COL24A1: variants seen among roughly 807,000 people sequenced by gnomAD.
COL24A1 encodes collagen type XXIV alpha 1 chain.
In COL24A1, 224 loss-of-function variants were observed where a neutral mutation model predicts 253.9. The ratio of observed to expected loss-of-function variants is 0.88; its 90% CI spans 0.79 to 0.99. The LOEUF is 0.99. Ranked by LOEUF, COL24A1 falls within the 50% of genes least tolerant of loss-of-function variation. COL24A1 has a pLI of 0.00. For synonymous variants in COL24A1, 685 were observed against 673.7 expected, an observed-to-expected ratio of 1.02 and a Z score of -0.26; for missense variants, 2,131 against 2,068.5, an observed-to-expected ratio of 1.03 and a Z score of -0.59.
intron 19 of COL24A1, among the ~76,000 whole-genome samples, chr1:85,991,953 C>T (rs1273511922): frequency 6.6e-6 from 1 of 150,528 alleles, no homozygotes; most frequent in Non-Finnish European, 1.5e-5. Flanking sequence ...AGTACATGTG[C>T]ACAATGTGCA....
chr1:85,805,899 C>A lies in COL24A1; in HGVS notation c.3951+10889G>T, dbSNP rs561409819. Among the ~76,000 whole-genome samples the A allele has an allele frequency of 3.9e-5, 6 of 152,036 alleles. No individual in the cohort carries two copies. The South Asian group carries it at 1.2e-3, about 32-fold the overall frequency. On this transcript the variant is annotated intron_variant, in intron 47 of 59. Transcript: ENST00000370571. ...GACCATCCTGGCGAACATAGTGAAACCCCGTCTCTATTAAAAATACAAAAA... is the reference window on the plus strand; with the variant it reads ...GACCATCCTGGCGAACATAGTGAAAACCCGTCTCTATTAAAAATACAAAAA...
At chr1:86,087,947 T>C (rs767685257) in intron 7 of COL24A1, among the ~76,000 whole-genome samples, 3 of 152,192 alleles carry the variant, frequency 2.0e-5, no homozygotes, top group African/African-American at 7.2e-5. Flanking sequence ...CAAGGTAAAA[T>C]ACTCTCATGA....
chr1:86,063,496 G>C (rs975993608), intron 8 of COL24A1, among the ~76,000 whole-genome samples: 1 of 151,766 alleles, frequency 6.6e-6, no homozygotes, highest in African/African-American at 2.4e-5. Flanking sequence ...GAAACATATG[G>C]GGCAAAAGTA....
chr1:85,881,972 C>T (rs1681899395), intron 32 of COL24A1, among the ~76,000 whole-genome samples: 1 of 152,018 alleles, frequency 6.6e-6, no homozygotes, highest in African/African-American at 2.4e-5. Context: ...TTATTCAGTG[C>T]TATAAATTTC....
chr1:85,993,414 A>C (rs976478607), intron 19 of COL24A1, among the ~76,000 whole-genome samples: 1 of 149,688 alleles, frequency 6.7e-6, no homozygotes, highest in Admixed American at 6.7e-5. Flanking sequence ...CGAATCTCAA[A>C]TGTCTTATGC....
chr1:85,741,138 G>T (rs1382194380), intron 57 of COL24A1, among the ~76,000 whole-genome samples: 1 of 149,354 alleles, frequency 6.7e-6, no homozygotes, highest in African/African-American at 2.4e-5. Flanking sequence ...AAAAAGAAAA[G>T]AAAAGAAAAG....
chr1:85,768,577 T>C (rs1029684174), intron 53 of COL24A1, among the ~76,000 whole-genome samples: 2 of 53,706 alleles, frequency 3.7e-5, no homozygotes, highest in Non-Finnish European at 1.0e-4. Flanking sequence ...GCTTTGTTAG[T>C]TCTTTTGTGC....
In COL24A1 at chr1:86,152,391, T is replaced by TA. The variant is rs1422081085; in HGVS notation, c.56+3949dup. ...AACTTCATTTCATGCACAAAATTAC[T>TA]AAAAATATTATATAAAATTAACTTC... is the stretch of plus-strand genomic sequence containing the variant. On this transcript the variant is annotated intron_variant, in intron 1 of 59. Coordinates refer to ENST00000370571, the MANE Select transcript of COL24A1 (RefSeq NM_152890.7). 5.9e-5 allele frequency among the ~76,000 whole-genome samples: 9 copies of TA among 152,160 alleles called. No individual in the cohort carries two copies. The South Asian group carries it at 6.2e-4, about 11-fold the overall frequency.
intron 58 of COL24A1, chr1:85,736,584 C>A (rs1346680071): frequency 4.6e-6 from 2 of 437,526 alleles, no homozygotes; most frequent in Non-Finnish European, 9.3e-6. Context: ...TGATGGAATG[C>A]CCTGGTTAAT....
intron 59 of COL24A1, among the ~76,000 whole-genome samples, chr1:85,731,498 A>C (rs1295883942): frequency 6.6e-6 from 1 of 152,234 alleles, no homozygotes; most frequent in Non-Finnish European, 1.5e-5. Flanking sequence ...TAAAGTCATA[A>C]GCTTGGTATG....
At chr1:86,132,197 C>T (rs1276257064) in intron 2 of COL24A1, among the ~76,000 whole-genome samples, 1 of 152,118 alleles carries the variant, frequency 6.6e-6, no homozygotes, top group African/African-American at 2.4e-5. Context: ...CCTTTGCCCA[C>T]TTTTTGATGG....
rs1378625857 is a variant in COL24A1, at chr1:85,761,691, G to A, written c.4375-125C>T. 3 of 879,012 alleles carry A rather than the reference G, an allele frequency of 3.4e-6. No individual in the cohort carries two copies. In the African/African-American group the frequency reaches 5.1e-5, roughly 15 times the overall value. 54.5% of individuals were successfully genotyped at this position (879,012 alleles called of 1,614,324 possible). Reference sequence around the variant, plus strand: ...CAGGCAAGTCATACAATTTAAAATTGTTTTAGTATTCTAAAGTTATATGCT... The same window carrying A: ...CAGGCAAGTCATACAATTTAAAATTATTTTAGTATTCTAAAGTTATATGCT... On this transcript the variant is annotated intron_variant, in intron 53 of 59. Coordinates refer to ENST00000370571, the MANE Select transcript of COL24A1 (RefSeq NM_152890.7).
At position 85,730,481 on chromosome 1, in the gene COL24A1, T is replaced by C; in HGVS notation, c.*65A>G. ...ATTTCATAATGACTGTATCTGTCTG[T>C]CTTATTTCTCCCTCTGCAGCAATTA... On this transcript the variant is annotated 3_prime_UTR_variant, in exon 60 of 60. Coordinates refer to ENST00000370571, the MANE Select transcript of COL24A1 (RefSeq NM_152890.7). 6.5e-7 allele frequency: 1 copy of C among 1,544,376 alleles called. No homozygotes were observed. The highest frequency in any genetic ancestry group is 8.9e-7 in the Non-Finnish European group (1 of 1,123,458).
At chr1:86,116,825 G>T (rs1044232956) in intron 3 of COL24A1, among the ~76,000 whole-genome samples, 3 of 151,988 alleles carry the variant, frequency 2.0e-5, no homozygotes, top group Non-Finnish European at 4.4e-5. Context: ...CTAATATTGA[G>T]AGAGAAATGC....
intron 37 of COL24A1, among the ~76,000 whole-genome samples, chr1:85,859,784 T>C (rs1456136036): frequency 6.6e-6 from 1 of 152,178 alleles, no homozygotes; most frequent in Non-Finnish European, 1.5e-5. Context: ...AGCAACTTTT[T>C]TTTACTATGT....
intron 7 of COL24A1, among the ~76,000 whole-genome samples, chr1:86,073,398 T>C (rs530852264): frequency 1.1e-4 from 17 of 152,014 alleles, no homozygotes; most frequent in African/African-American, 4.1e-4. Context: ...TTTAATGAAA[T>C]AAAGCGTGAA....
intron 55 of COL24A1, among the ~76,000 whole-genome samples, chr1:85,760,413 G>A (rs1405058443): frequency 1.3e-5 from 2 of 152,104 alleles, no homozygotes; most frequent in Non-Finnish European, 2.9e-5. Context: ...GCCAGAAAGG[G>A]GAAGTGATTT....
chr1:85,943,002 T>C (rs919987554), intron 24 of COL24A1, among the ~76,000 whole-genome samples: 1 of 152,194 alleles, frequency 6.6e-6, no homozygotes, highest in Non-Finnish European at 1.5e-5. Flanking sequence ...AATGTAACCC[T>C]GAGTGGACTA....
At chr1:85,974,649 A>G (rs1455341193) in intron 20 of COL24A1, among the ~76,000 whole-genome samples, 1 of 152,174 alleles carries the variant, frequency 6.6e-6, no homozygotes, top group Non-Finnish European at 1.5e-5. Context: ...AGAGAGACAC[A>G]CAAGGGGCTT....
Sources: gnomAD v4.1 joint callset for allele counts (sites outside exome capture counted in the v4.1 genomes callset) on GRCh38, gnomAD v4.1.1 for gene constraint, MANE v1.5 for transcripts, NCBI Gene and HGNC (gene_info 2026-07-23, HGNC 2026-07-21) for gene names.